Variants in SLC39A6 observed in about 807,000 individuals in gnomAD.
SLC39A6 encodes solute carrier family 39 member 6, also known as zinc transporter ZIP6.
In SLC39A6, 51 loss-of-function variants were observed where a neutral mutation model predicts 63.5. That is an observed-to-expected ratio of 0.80 (90% CI 0.64 to 1.01). The LOEUF (loss-of-function observed/expected upper bound fraction) is 1.01, where lower values mean the gene tolerates loss of function less well. SLC39A6 is among the 50% of genes least tolerant of loss of function. The pLI is 0.00. For missense variants in SLC39A6, 805 were observed against 927.8 expected, an observed-to-expected ratio of 0.87 and a Z score of 1.72; for synonymous variants, 318 against 324.7, an observed-to-expected ratio of 0.98 and a Z score of 0.22.
chr18:36,109,454 A>C lies in SLC39A6; in HGVS notation c.*139T>G. 3 of 598,966 alleles carry C rather than the reference A, an allele frequency of 5.0e-6. No individual in the cohort carries two copies. The highest frequency in any genetic ancestry group is 8.6e-6 in the Non-Finnish European group (3 of 350,076). The allele number at this position is 598,966 out of a possible 1,614,324, so 37.1% of individuals were successfully genotyped here. ...AAAACGTACCTTTAACTGACTTTGT[A>C]ACAGACAGCAATATTCAATACAAAA... is the stretch of plus-strand genomic sequence containing the variant. On this transcript the variant is annotated 3_prime_UTR_variant, in exon 10 of 10. Coordinates refer to ENST00000269187, the MANE Select transcript of SLC39A6 (RefSeq NM_012319.4).
Position 36,129,308 on chromosome 18 carries a change from C to A in SLC39A6, c.-204G>T. ...CCGCGCAGCCACCCGGCAGCCGCGC[C>A]CCTAGCCTTCGCGAAGCTGGAAGAC... On this transcript the variant is annotated 5_prime_UTR_variant, in exon 1 of 10. Coordinates refer to ENST00000269187, the MANE Select transcript of SLC39A6 (RefSeq NM_012319.4). 1 of 163,318 alleles carries A rather than the reference C, an allele frequency of 6.1e-6. No individual in the cohort carries two copies. Among genetic ancestry groups the A allele is most frequent in the Non-Finnish European group, 1.4e-5 (1 of 73,990 alleles). The allele number at this position is 163,318 out of a possible 1,614,324, so 10.1% of individuals were successfully genotyped here.
intron 6 of SLC39A6, 115 bp downstream of exon 6, chr18:36,116,559 C>A (rs1365400112): frequency 1.7e-5 from 12 of 687,426 alleles, no homozygotes. Flanking sequence ...GTATGAGATA[C>A]TGCAAAAACC....
chr18:36,125,267 G>A (rs1229559631), intron 2 of SLC39A6, among the ~76,000 whole-genome samples: 3 of 151,542 alleles, frequency 2.0e-5, no homozygotes, highest in Non-Finnish European at 4.4e-5. Flanking sequence ...TGTACCGGCA[G>A]GCAGATGTTT....
At chr18:36,127,127 T>A (rs1424800523) in intron 1 of SLC39A6, 111 bp from the exon 2 acceptor site, 25 of 950,406 alleles carry the variant, frequency 2.6e-5, no homozygotes, top group Non-Finnish European at 3.7e-5. Context: ...TGCCAGAGCA[T>A]CATGTGGTGT....
chr18:36,118,115 A>G (rs1220191879), intron 5 of SLC39A6, among the ~76,000 whole-genome samples: 1 of 152,120 alleles, frequency 6.6e-6, no homozygotes, highest in East Asian at 1.9e-4. Context: ...GTACTTAAAT[A>G]TTTGTAAAAA....
At chr18:36,119,374 C>T (rs745456155) in intron 5 of SLC39A6, among the ~76,000 whole-genome samples, 112 of 152,246 alleles carry the variant, frequency 7.4e-4, no homozygotes, top group South Asian at 2.1e-3. Context: ...TCAATATTTA[C>T]TACCATCGAT....
intron 5 of SLC39A6, 52 bp from the exon 6 acceptor site, chr18:36,116,831 A>T: frequency 1.5e-6 from 2 of 1,307,886 alleles, no homozygotes. Context: ...GTTTATATGT[A>T]CAGCTTTCAA....
At chr18:36,127,038 A>G (rs1598714691) in intron 1 of SLC39A6, 22 bp from the exon 2 acceptor site, 1 of 1,555,188 alleles carries the variant, frequency 6.4e-7, no homozygotes, top group Non-Finnish European at 8.7e-7. Context: ...AGGAAAAAAA[A>G]ATTCTTGACT....
intron 5 of SLC39A6, among the ~76,000 whole-genome samples, chr18:36,117,651 T>A (rs912200883): frequency 1.3e-5 from 2 of 152,224 alleles, no homozygotes; most frequent in South Asian, 2.1e-4. Flanking sequence ...TACCTTTGAA[T>A]ATGATGATCA....
In SLC39A6 at chr18:36,126,454, C is replaced by T. The variant is rs897650740; in HGVS notation, c.554G>A (p.Ser185Asn). The T allele has an allele frequency of 1.9e-6, 3 of 1,614,254 alleles. No homozygotes were observed. Among genetic ancestry groups the T allele is most frequent in the Admixed American group, 3.3e-5 (2 of 60,034 alleles). ...GTTGTACACAGTTGAGGTCACTTCACTAGCACTAACACTGTCCTTGACATT... is the reference window on the plus strand; with the variant it reads ...GTTGTACACAGTTGAGGTCACTTCATTAGCACTAACACTGTCCTTGACATT... ...RRNVKDSVSA[S>N]EVTSTVYNTV... Residue 185 changes from serine (S) to asparagine (N), a missense_variant, in exon 2 of 10, where the codon AGT becomes AAT. Physicochemically the swap from Ser to Asn is conservative, Grantham distance 46 (BLOSUM62 1). This residue lies in a region of SLC39A6 where 639 missense variants were observed against 644.0 expected (regional missense o/e 0.99). Transcript: ENST00000269187.
chr18:36,112,554 C>T lies in SLC39A6; in HGVS notation c.1871G>A (p.Ser624Asn). 6.2e-7 allele frequency: 1 copy of T among 1,613,692 alleles called. No homozygotes were observed. The highest frequency in any genetic ancestry group is 8.5e-7 in the Non-Finnish European group (1 of 1,179,724). ...IGAAFTEGLSSGLSTSVAVFC... is the reference protein window; with the variant it reads ...IGAAFTEGLSNGLSTSVAVFC... ...CACAGCAACAGAAGTACTTAAACCA[C>T]TTGATAAGCCTTCAGTAAAAGCAGC... The change falls in exon 8 of 10, where the codon AGT (serine) becomes AAT (asparagine). Residue 624 changes from serine (S) to asparagine (N), a missense_variant. By Grantham distance (46) the Ser-to-Asn change is conservative (BLOSUM62 1). Coordinates refer to ENST00000269187, the MANE Select transcript of SLC39A6 (RefSeq NM_012319.4).
chr18:36,126,471 C>T lies in SLC39A6; in HGVS notation c.537G>A (p.Lys179=), dbSNP rs767865875. Reference sequence around the variant, plus strand: ...TCACTTCACTAGCACTAACACTGTCCTTGACATTCCTTCTACCACTGGCAT... The same window carrying T: ...TCACTTCACTAGCACTAACACTGTCTTTGACATTCCTTCTACCACTGGCAT... The part of the protein sequence containing the change: ...PEHASGRRNV[K]DSVSASEVTS... The change falls in exon 2 of 10, where the codon AAG becomes AAA. Residue 179 remains lysine (K), a synonymous_variant. Transcript: ENST00000269187. 3.5e-5 allele frequency: 57 copies of T among 1,614,092 alleles called. No homozygotes were observed. Among genetic ancestry groups the T allele is most frequent in the Non-Finnish European group, 4.6e-5 (54 of 1,180,048 alleles).
chr18:36,116,832 C>T, intron 5 of SLC39A6, 53 bp from the exon 6 acceptor site: 3 of 1,305,196 alleles, frequency 2.3e-6, no homozygotes, highest in East Asian at 2.3e-5. Flanking sequence ...TTTATATGTA[C>T]AGCTTTCAAT....
chr18:36,118,084 A>G (rs965103787), intron 5 of SLC39A6, among the ~76,000 whole-genome samples: 1 of 152,080 alleles, frequency 6.6e-6, no homozygotes, highest in African/African-American at 2.4e-5. Flanking sequence ...TATCCTGAAT[A>G]TAATGCCTCA....
chr18:36,128,015 T>G (rs955469958), intron 1 of SLC39A6, among the ~76,000 whole-genome samples: 2 of 152,158 alleles, frequency 1.3e-5, no homozygotes. Flanking sequence ...TAAACTGAAC[T>G]TCATGAAAAA....
Position 36,123,543 on chromosome 18 carries a change from C to G in SLC39A6, c.1092G>C (p.Leu364=). Residue 364 remains leucine (L), a synonymous_variant, in exon 4 of 10, where the codon CTG becomes CTC. Coordinates refer to ENST00000269187, the MANE Select transcript of SLC39A6 (RefSeq NM_012319.4). ...CATCACCACTCAAAGTCCCAACGGC[C>G]AGTGCCACAAGGAAACTCAGGAGAA... ...FKFLLSFLVA[L]AVGTLSGDAF... is the part of the protein sequence containing the mutation. 6.2e-7 allele frequency: 1 copy of G among 1,613,626 alleles called. No homozygotes were observed. The highest frequency in any genetic ancestry group is 8.5e-7 in the Non-Finnish European group (1 of 1,179,890).
At chr18:36,127,790 T>C (rs2089452316) in intron 1 of SLC39A6, among the ~76,000 whole-genome samples, 1 of 150,282 alleles carries the variant, frequency 6.7e-6, no homozygotes, top group African/African-American at 2.4e-5. Context: ...TTTTTTTTTT[T>C]TTTTCTAGAG....
intron 6 of SLC39A6, 150 bp from the exon 7 acceptor site, chr18:36,114,624 G>A (rs1246486583): frequency 1.8e-6 from 1 of 560,972 alleles, no homozygotes; most frequent in East Asian, 2.9e-5. Flanking sequence ...AAGTATTACT[G>A]ATGAAAAACA....
intron 5 of SLC39A6, among the ~76,000 whole-genome samples, chr18:36,121,051 C>T (rs1489166400): frequency 6.6e-6 from 1 of 151,784 alleles, no homozygotes; most frequent in Non-Finnish European, 1.5e-5. Flanking sequence ...TACGGAACTC[C>T]AACTTGAAGA....
Sources: allele counts gnomAD v4.1 joint callset (sites outside exome capture counted in the v4.1 genomes callset), GRCh38; gene constraint gnomAD v4.1.1; regional missense constraint gnomAD v4.1.1; transcripts MANE v1.5; gene names NCBI Gene and HGNC (gene_info 2026-07-23, HGNC 2026-07-21).